The following ACOXL variants were observed in gnomAD, a reference collection of about 807,000 sequenced individuals.
ACOXL encodes the protein acyl-coenzyme A oxidase-like protein.
Under a neutral mutation model 71.9 loss-of-function variants are expected in ACOXL, and 70 were observed. The ratio of observed to expected loss-of-function variants is 0.97; its 90% CI spans 0.80 to 1.19. The LOEUF (loss-of-function observed/expected upper bound fraction) is 1.19. Among genes scored for constraint, ACOXL ranks in the 50% most tolerant of loss-of-function variants. The probability of loss-of-function intolerance (pLI) is 0.00; values close to 1 mark genes in which losing one functional copy is unlikely to be tolerated. For synonymous variants in ACOXL, 253 were observed against 281.6 expected, an observed-to-expected ratio of 0.90 and a Z score of 1.02; for missense variants, 703 against 736.3, an observed-to-expected ratio of 0.95 and a Z score of 0.52.
At chr2:111,061,317 A>T (rs1194019966) in intron 16 of ACOXL, among the ~76,000 whole-genome samples, 1 of 152,188 alleles carries the variant, frequency 6.6e-6, no homozygotes, top group African/African-American at 2.4e-5. Context: ...AAATGACAGC[A>T]TATTTCTCAT....
At chr2:111,110,417 A>G (rs771783935) in intron 17 of ACOXL, among the ~76,000 whole-genome samples, 4 of 152,202 alleles carry the variant, frequency 2.6e-5, no homozygotes, top group Non-Finnish European at 4.4e-5. Context: ...TCCAAAGTCT[A>G]TGCACCACAA....
rs376491317 is a variant in ACOXL at position 110,987,079 on chromosome 2, G to T, written c.1060-29G>T. On this transcript the variant is annotated intron_variant, in intron 12 of 17. Transcript: ENST00000439055. Reference sequence around the variant, plus strand: ...ATACTGTCATTTTTTACACTGCTGAGACTGATGAGCGATAAACTCTTTGCA... The same window carrying T: ...ATACTGTCATTTTTTACACTGCTGATACTGATGAGCGATAAACTCTTTGCA... 2.7e-5 allele frequency: 42 copies of T among 1,535,740 alleles called. No individual in the cohort carries two copies. In the African/African-American group the frequency reaches 5.6e-4, roughly 21 times the overall value.
chr2:110,994,392 A>G (rs1408821074), intron 13 of ACOXL, among the ~76,000 whole-genome samples: 3 of 151,738 alleles, frequency 2.0e-5, no homozygotes, highest in African/African-American at 7.3e-5. Context: ...CACTGCGTCA[A>G]TTGCTTCTTA....
At chr2:110,971,532 A>G (rs1297125530) in intron 12 of ACOXL, among the ~76,000 whole-genome samples, 4 of 152,242 alleles carry the variant, frequency 2.6e-5, no homozygotes, top group Admixed American at 2.6e-4. Context: ...CCTATGCATG[A>G]ATAAGTTTAG....
intron 16 of ACOXL, among the ~76,000 whole-genome samples, chr2:111,084,899 G>GAAAAAAA (rs113297442): frequency 8.9e-6 from 1 of 112,906 alleles, no homozygotes; most frequent in Non-Finnish European, 1.8e-5. Context: ...TGGAAAACAG[G>GAAAAAAA]AAAAAAAAAA....
rs1210306016 is a variant in ACOXL, at chr2:111,066,251, A to G, written c.1440+16963A>G. ...CATTCACATGGGGAATCACCAAAAA[A>G]TTTTGCTGAGTGGAAGAAAAAAATA... On this transcript the variant is annotated intron_variant, in intron 16 of 17. Transcript: ENST00000439055. 3.3e-5 allele frequency among the ~76,000 whole-genome samples: 5 copies of G among 152,204 alleles called. No homozygotes were observed. The East Asian group carries it at 9.6e-4, about 29-fold the overall frequency.
At chr2:110,832,769 G>A (rs1690001137) in intron 9 of ACOXL, among the ~76,000 whole-genome samples, 5 of 152,122 alleles carry the variant, frequency 3.3e-5, no homozygotes, top group Admixed American at 3.3e-4. Context: ...GGGTAAAAGA[G>A]ATTAAGAGCT....
In ACOXL at chr2:110,908,865, C is replaced by T. The variant is rs758543039; in HGVS notation, c.865C>T (p.Pro289Ser). 1.5e-5 allele frequency: 25 copies of T among 1,613,864 alleles called. No individual in the cohort carries two copies. Among genetic ancestry groups the T allele is most frequent in the East Asian group, 2.2e-5 (1 of 44,882 alleles). ...EHQTQTLRLM[P>S]HLATALALTF... ...CCAAACACAGACCCTGCGGCTGATGCCCCACCTGGCCACAGCCTTGGCCCT... is the reference window on the plus strand; with the variant it reads ...CCAAACACAGACCCTGCGGCTGATGTCCCACCTGGCCACAGCCTTGGCCCT... The change falls in exon 11 of 18, where the codon CCC becomes TCC. Residue 289 changes from proline to serine, a missense_variant. By Grantham distance (74) the Pro-to-Ser change is moderately conservative (BLOSUM62 -1). Transcript: ENST00000439055.
At chr2:110,985,793 C>T (rs528649695) in intron 12 of ACOXL, among the ~76,000 whole-genome samples, 15 of 152,300 alleles carry the variant, frequency 9.8e-5, no homozygotes, top group African/African-American at 2.9e-4. Flanking sequence ...TATTTTACCA[C>T]GTGGCATTTG....
At chr2:110,751,677 A>G (rs79407448) in intron 1 of ACOXL, among the ~76,000 whole-genome samples, 250 of 152,332 alleles carry the variant, frequency 1.6e-3, no homozygotes, top group Non-Finnish European at 2.9e-3. Context: ...CTATCAAAAT[A>G]CATAGAACAT....
At chr2:110,819,341 AC>A (rs2105497854) in intron 9 of ACOXL, among the ~76,000 whole-genome samples, 1 of 152,340 alleles carries the variant, frequency 6.6e-6, no homozygotes, top group Admixed American at 6.5e-5. Context: ...GTTCAGGAGC[AC>A]CTTGGTTAAA....
chr2:110,982,156 T>TTTTTG (rs1558822847), intron 12 of ACOXL, among the ~76,000 whole-genome samples: 1 of 152,120 alleles, frequency 6.6e-6, no homozygotes, highest in Non-Finnish European at 1.5e-5. Context: ...TGGTGTTTTT[T>TTTTTG]TTTGTTTGTT....
intron 10 of ACOXL, among the ~76,000 whole-genome samples, chr2:110,906,571 T>A (rs1574070478): frequency 7.7e-6 from 1 of 130,132 alleles, no homozygotes; most frequent in Admixed American, 8.0e-5. Context: ...ATTATTATCG[T>A]ACTTATTTTT....
At chr2:110,930,390 G>T (rs1018502367) in intron 11 of ACOXL, among the ~76,000 whole-genome samples, 8 of 152,218 alleles carry the variant, frequency 5.3e-5, no homozygotes, top group African/African-American at 1.9e-4. Flanking sequence ...TACCACCATT[G>T]TATCTAGGAA....
intron 14 of ACOXL, among the ~76,000 whole-genome samples, chr2:111,012,612 C>T (rs752951714): frequency 2.0e-5 from 3 of 152,084 alleles, no homozygotes; most frequent in Non-Finnish European, 4.4e-5. Context: ...TCTATGTTGA[C>T]AATGAAATTA....
chr2:110,789,159 C>T (rs779105987), intron 3 of ACOXL, among the ~76,000 whole-genome samples: 2 of 151,996 alleles, frequency 1.3e-5, no homozygotes, highest in Non-Finnish European at 2.9e-5. Context: ...GAGTGGCTCA[C>T]AGCGACAGGG....
intron 16 of ACOXL, among the ~76,000 whole-genome samples, chr2:111,079,348 A>T (rs1198784308): frequency 6.6e-6 from 1 of 152,190 alleles, no homozygotes; most frequent in Non-Finnish European, 1.5e-5. Flanking sequence ...AAGTGAGAAC[A>T]TGTAATATTT....
At chr2:111,110,831 G>A (rs1162133166) in intron 17 of ACOXL, among the ~76,000 whole-genome samples, 1 of 152,120 alleles carries the variant, frequency 6.6e-6, no homozygotes, top group Non-Finnish European at 1.5e-5. Context: ...AAATTCTCTT[G>A]AATCTATCTA....
chr2:110,941,572 A>G (rs1009545695), intron 12 of ACOXL, among the ~76,000 whole-genome samples: 1 of 152,216 alleles, frequency 6.6e-6, no homozygotes, highest in Non-Finnish European at 1.5e-5. Context: ...AATAATTTCT[A>G]TCTCCTATAT....
Sources: allele counts gnomAD v4.1 joint callset (sites outside exome capture counted in the v4.1 genomes callset), GRCh38; gene constraint gnomAD v4.1.1; transcripts MANE v1.5; gene names NCBI Gene and HGNC (gene_info 2026-07-23, HGNC 2026-07-21).